RHBG: variants seen among roughly 807,000 people sequenced by gnomAD.
The protein encoded by RHBG is ammonium transporter Rh type B.
In RHBG, 39 loss-of-function variants were observed where a neutral mutation model predicts 40.1. The observed-to-expected ratio is 0.97, with a 90% CI of 0.75 to 1.27. RHBG has a LOEUF of 1.27. Ranked by LOEUF, RHBG falls within the 50% of genes most tolerant of loss-of-function variation. The pLI is 0.00. For synonymous variants in RHBG, 237 were observed against 252.5 expected (o/e 0.94, Z 0.58); for missense variants, 549 against 588.1 (o/e 0.93, Z 0.69).
intron 8 of RHBG, among the ~76,000 whole-genome samples, chr1:156,383,292 G>A (rs1322608352): frequency 1.3e-5 from 2 of 152,244 alleles, no homozygotes; most frequent in Non-Finnish European, 2.9e-5. Flanking sequence ...CCCTGGGTCA[G>A]GCAGTCGCTC....
rs747713024 is a variant in RHBG at position 156,378,401 on chromosome 1, T to A, written c.673+2T>A. On this transcript the variant is annotated splice_donor_variant, in intron 4 of 9. Coordinates refer to ENST00000537040, the MANE Select transcript of RHBG (RefSeq NM_020407.5). LOFTEE classifies it high-confidence loss of function. Reference sequence around the variant, plus strand: ...ATTCAGACCTCTTCGCCATGATTGGTGAGGCCTTCGAGGTGCGGTAGCAGG... The same window carrying A: ...ATTCAGACCTCTTCGCCATGATTGGAGAGGCCTTCGAGGTGCGGTAGCAGG... 6.9e-6 allele frequency: 11 copies of A among 1,592,630 alleles called. No homozygotes were observed. In the Admixed American group the frequency reaches 1.9e-4, roughly 27 times the overall value.
intron 3 of RHBG, 45 bp from the exon 4 acceptor site, chr1:156,378,207 C>T (rs369678029): frequency 4.0e-5 from 10 of 250,036 alleles, no homozygotes; most frequent in East Asian, 3.5e-4. Context: ...GAGCCAGGAG[C>T]GTGGGGGTGG....
intron 9 of RHBG, 31 bp from the exon 10 acceptor site, chr1:156,384,746 C>T (rs1667930016): frequency 1.2e-6 from 2 of 1,609,582 alleles, no homozygotes; most frequent in Non-Finnish European, 1.7e-6. Context: ...CTGGAGCTAC[C>T]CTTTCACCTC....
intron 1 of RHBG, among the ~76,000 whole-genome samples, chr1:156,373,918 T>C (rs976594644): frequency 6.6e-6 from 1 of 152,238 alleles, no homozygotes; most frequent in Non-Finnish European, 1.5e-5. Context: ...TCTGTTTTTT[T>C]CCCCCATCAT....
chr1:156,377,730 G>C lies in RHBG; in HGVS notation c.374+243G>C, dbSNP rs899917167. On this transcript the variant is annotated intron_variant, in intron 2 of 9. Transcript: ENST00000537040. This position sits in a 1 kb window ranked among gnomAD's most constrained non-coding sequence, Gnocchi z 4.6. ...GTTCCCCAAGAGCTGTGGAAGGGTA[G>C]ACAGCTCTGGTTCTTCCACCTATTG... is the stretch of plus-strand genomic sequence containing the variant. Among the ~76,000 whole-genome samples, 1 of 152,192 alleles carries C rather than the reference G, an allele frequency of 6.6e-6. No homozygotes were observed. Among genetic ancestry groups the C allele is most frequent in the Non-Finnish European group, 1.5e-5 (1 of 68,028 alleles).
intron 1 of RHBG, among the ~76,000 whole-genome samples, chr1:156,376,044 CT>C (rs1183030360): frequency 6.6e-6 from 1 of 152,046 alleles, no homozygotes; most frequent in East Asian, 1.9e-4. Flanking sequence ...TGTACCCAGC[CT>C]TATATATTAT....
At position 156,382,104 on chromosome 1, in the gene RHBG, T is replaced by C. The variant is rs3748567; in HGVS notation, c.1015T>C (p.Cys339Arg). The C allele has an allele frequency of 4.1e-5, 66 of 1,613,632 alleles. No individual in the cohort carries two copies. In the East Asian group the frequency reaches 1.4e-3, roughly 35 times the overall value. The change falls in exon 7 of 10, where the codon TGT (cysteine) becomes CGT (arginine). Residue 339 changes from cysteine (C) to arginine (R), a missense_variant. This residue lies in a region of RHBG where 399 missense variants were observed against 417.0 expected (regional missense o/e 0.96). Coordinates refer to ENST00000537040, the MANE Select transcript of RHBG (RefSeq NM_020407.5). The part of the protein sequence containing the change: ...LESKFKVQDT[C>R]GVHNLHGMPG... ...ATCAAAATTCAAAGTCCAAGACACA[T>C]GTGGAGTCCACAACCTCCATGGGAT...
At chr1:156,375,410 C>T (rs1667123276) in intron 1 of RHBG, among the ~76,000 whole-genome samples, 1 of 151,358 alleles carries the variant, frequency 6.6e-6, no homozygotes, top group Non-Finnish European at 1.5e-5. Context: ...AGCCCTTGTC[C>T]AGGGCCTTGC....
intron 7 of RHBG, 111 bp from the exon 8 acceptor site, chr1:156,382,637 G>A (rs1571019013): frequency 3.7e-6 from 5 of 1,354,240 alleles, no homozygotes; most frequent in Middle Eastern, 2.5e-4. Context: ...AGACCCTCTT[G>A]GCCACTTCCT....
In RHBG at chr1:156,381,459, C is replaced by T. The variant is rs1486961951; in HGVS notation, c.786C>T (p.Thr262=). ...LNTYYSLAAS[T]LGTFALSALV... is the part of the protein sequence containing the mutation. The stretch of plus-strand genomic sequence containing the variant: ...CATACTACTCCCTGGCTGCCAGCAC[C>T]CTTGGCACCTTTGCCTTGTCAGCCC... The change falls in exon 5 of 10, where the codon ACC becomes ACT. Residue 262 remains threonine (T), a synonymous_variant. Transcript: ENST00000537040. 2.1e-5 allele frequency: 34 copies of T among 1,613,962 alleles called. No individual in the cohort carries two copies. The highest frequency in any genetic ancestry group is 2.9e-5 in the Non-Finnish European group (34 of 1,179,920).
chr1:156,370,795 G>T (rs571347699), intron 1 of RHBG, among the ~76,000 whole-genome samples: 1 of 152,104 alleles, frequency 6.6e-6, no homozygotes, highest in East Asian at 1.9e-4. Flanking sequence ...CATGTGAGTG[G>T]CAGAGCTGGA....
At chr1:156,378,720 C>G (rs1451386633) in intron 4 of RHBG, among the ~76,000 whole-genome samples, 1 of 152,218 alleles carries the variant, frequency 6.6e-6, no homozygotes, top group African/African-American at 2.4e-5. Flanking sequence ...CCCTCCTCCT[C>G]CCTCCTCGCT....
chr1:156,371,164 CTT>C (rs752310929), intron 1 of RHBG: 1,697 of 382,124 alleles, frequency 4.4e-3, no homozygotes, highest in East Asian at 7.5e-3. Context: ...TATTTTCTTT[CTT>C]TTTTTTTTTT....
Position 156,384,760 on chromosome 1 carries a change from C to G in RHBG, c.1309-17C>G, listed in dbSNP as rs575287536. 88 of 1,613,376 alleles carry G rather than the reference C, an allele frequency of 5.5e-5. No individual in the cohort carries two copies. In the Admixed American group the frequency reaches 1.1e-3, roughly 21 times the overall value. On this transcript the variant is annotated splice_polypyrimidine_tract_variant and intron_variant, in intron 9 of 9. Transcript: ENST00000537040. ...CCTGGAGCTACCCTTTCACCTCTACCCACTCCTGCCTTCCAGGTGCCTGGC... is the reference window on the plus strand; with the variant it reads ...CCTGGAGCTACCCTTTCACCTCTACGCACTCCTGCCTTCCAGGTGCCTGGC...
rs1399711016 is a variant in RHBG at position 156,384,578 on chromosome 1, A to G, written c.1286A>G (p.Tyr429Cys). The G allele has an allele frequency of 1.0e-5, 16 of 1,583,016 alleles. No individual in the cohort carries two copies. Among genetic ancestry groups the G allele is most frequent in the Non-Finnish European group, 1.4e-5 (16 of 1,163,016 alleles). Residue 429 changes from tyrosine to cysteine, a missense_variant, in exon 9 of 10, where the codon TAC becomes TGC. By Grantham distance (194) the Tyr-to-Cys change is radical (BLOSUM62 -2). This residue lies in a region of RHBG where 399 missense variants were observed against 417.0 expected (regional missense o/e 0.96). Coordinates refer to ENST00000537040, the MANE Select transcript of RHBG (RefSeq NM_020407.5). ...FLDSPPDSQHYEDQVHWQVPG... is the reference protein window; with the variant it reads ...FLDSPPDSQHCEDQVHWQVPG... Reference sequence around the variant, plus strand: ...GACTCCCCCCCAGACTCCCAGCACTACGAGGACCAAGTTCACTGGCAGGTG... The same window carrying G: ...GACTCCCCCCCAGACTCCCAGCACTGCGAGGACCAAGTTCACTGGCAGGTG...
At position 156,377,156 on chromosome 1, in the gene RHBG, C is replaced by T. The variant is rs1016110713; in HGVS notation, c.188-145C>T. ...CGCAGGTGGCTCAGGGCTGGGAGCC[C>T]CTGACATGCCTGGGGAGTTTTATAG... On this transcript the variant is annotated intron_variant, in intron 1 of 9. Coordinates refer to ENST00000537040, the MANE Select transcript of RHBG (RefSeq NM_020407.5). The surrounding 1 kb of genome is among the most constrained non-coding windows in gnomAD (Gnocchi z 4.6). The T allele has an allele frequency of 2.2e-6, 2 of 900,154 alleles. No individual in the cohort carries two copies. The highest frequency in any genetic ancestry group is 2.3e-5 in the Admixed American group (1 of 42,860). The allele number at this position is 900,154 out of a possible 1,614,324, so 55.8% of individuals were successfully genotyped here. A position where few individuals can be genotyped will look rare whatever the true frequency, so the allele number is the denominator to read the frequency against.
intron 5 of RHBG, 139 bp downstream of exon 5, chr1:156,381,652 G>A: frequency 1.5e-6 from 2 of 1,374,046 alleles, no homozygotes; most frequent in Admixed American, 2.4e-5. Flanking sequence ...GGTGGCTATG[G>A]GATCAGAATG....
At chr1:156,375,226 C>T (rs1667104875) in intron 1 of RHBG, among the ~76,000 whole-genome samples, 1 of 152,068 alleles carries the variant, frequency 6.6e-6, no homozygotes, top group Non-Finnish European at 1.5e-5. Context: ...CTGTGCACCA[C>T]CACACCTGGC....
chr1:156,378,209 T>TG, intron 3 of RHBG, 43 bp from the exon 4 acceptor site: 1 of 181,606 alleles, frequency 5.5e-6, no homozygotes, highest in Non-Finnish European at 8.8e-6. Flanking sequence ...GCCAGGAGCG[T>TG]GGGGGTGGGG....
Sources: allele counts gnomAD v4.1 joint callset (sites outside exome capture counted in the v4.1 genomes callset), GRCh38; gene constraint gnomAD v4.1.1; regional missense constraint gnomAD v4.1.1; non-coding constraint Gnocchi (gnomAD v3.1); transcripts MANE v1.5; gene names NCBI Gene and HGNC (gene_info 2026-07-23, HGNC 2026-07-21).